PDS5A: variants seen among roughly 807,000 people sequenced by gnomAD.
PDS5A encodes sister chromatid cohesion protein PDS5 homolog A.
A neutral mutation model predicts 167.1 loss-of-function variants in PDS5A; 42 were observed. The observed-to-expected ratio is 0.25, with a 90% confidence interval of 0.20 to 0.33. The LOEUF is 0.33. Among genes scored for constraint, PDS5A ranks in the 10% least tolerant of loss-of-function variants. The pLI, the probability that PDS5A is intolerant of heterozygous loss-of-function variation, is 1.00. For synonymous variants in PDS5A, 553 were observed against 554.6 expected (o/e 1.00, Z 0.04); for missense variants, 1,033 against 1,605.9 (o/e 0.64, Z 6.10).
intron 32 of PDS5A, among the ~76,000 whole-genome samples, chr4:39,829,649 C>CA (rs150136201): frequency 0.066 from 7,070 of 107,554 alleles, 230 homozygotes; most frequent in East Asian, 0.25. Flanking sequence ...TTCATCTCCA[C>CA]AAAAAAAAAA....
chr4:39,947,718 G>A (rs1470702809), intron 2 of PDS5A, among the ~76,000 whole-genome samples: 1 of 152,130 alleles, frequency 6.6e-6, no homozygotes, highest in East Asian at 1.9e-4. Context: ...GTGACCCACG[G>A]GCTGTGAGTT....
intron 2 of PDS5A, among the ~76,000 whole-genome samples, chr4:39,948,071 G>A (rs1028619073): frequency 5.9e-5 from 9 of 151,946 alleles, no homozygotes; most frequent in Admixed American, 2.0e-4. Flanking sequence ...GGCAACAACT[G>A]CAAGACCCCA....
intron 11 of PDS5A, among the ~76,000 whole-genome samples, chr4:39,905,555 C>T (rs1723261973): frequency 6.6e-6 from 1 of 151,832 alleles, no homozygotes; most frequent in Admixed American, 6.6e-5. Context: ...GAGACTCTGT[C>T]TCAACAAAAA....
intron 32 of PDS5A, among the ~76,000 whole-genome samples, chr4:39,825,801 A>G (rs1715249266): frequency 6.6e-6 from 1 of 151,990 alleles, no homozygotes; most frequent in Non-Finnish European, 1.5e-5. Context: ...GGATCTCATT[A>G]TGTTGCCCAG....
intron 14 of PDS5A, 126 bp downstream of exon 14, chr4:39,900,300 A>G (rs2109649697): frequency 1.6e-6 from 1 of 622,732 alleles, no homozygotes; most frequent in Non-Finnish European, 2.8e-6. Flanking sequence ...TACAGAAATT[A>G]TATTTAACTG....
At chr4:39,850,557 C>A (rs1055413560) in intron 26 of PDS5A, among the ~76,000 whole-genome samples, 1 of 152,178 alleles carries the variant, frequency 6.6e-6, no homozygotes. Context: ...CAAATCAACA[C>A]ACAGCAGTCT....
intron 2 of PDS5A, among the ~76,000 whole-genome samples, chr4:39,944,217 T>C (rs1727525443): frequency 6.6e-6 from 1 of 150,768 alleles, no homozygotes; most frequent in African/African-American, 2.4e-5. Flanking sequence ...TTAATCATTA[T>C]GGAAGGTTTC....
At chr4:39,865,251 T>C (rs916847043) in intron 23 of PDS5A, among the ~76,000 whole-genome samples, 1 of 152,198 alleles carries the variant, frequency 6.6e-6, no homozygotes, top group Non-Finnish European at 1.5e-5. Flanking sequence ...TCATCTCCAC[T>C]GGGGGTCCTG....
chr4:39,971,773 G>A (rs1420216459), intron 2 of PDS5A, among the ~76,000 whole-genome samples: 1 of 151,988 alleles, frequency 6.6e-6, no homozygotes, highest in Non-Finnish European at 1.5e-5. Flanking sequence ...AGCTCTCTTT[G>A]TGTTTGTACA....
chr4:39,895,083 C>A (rs966298368), intron 16 of PDS5A, among the ~76,000 whole-genome samples: 3 of 150,650 alleles, frequency 2.0e-5, no homozygotes, highest in African/African-American at 7.3e-5. Flanking sequence ...AAAAATTAGC[C>A]GGGCGAGGTG....
chr4:39,942,018 T>C (rs908836424), intron 2 of PDS5A, among the ~76,000 whole-genome samples: 2 of 152,206 alleles, frequency 1.3e-5, no homozygotes, highest in African/African-American at 2.4e-5. Flanking sequence ...TAGGCCCTTA[T>C]TGCATCATAC....
At chr4:39,944,978 C>A (rs181678309) in intron 2 of PDS5A, among the ~76,000 whole-genome samples, 156 of 152,172 alleles carry the variant, frequency 1.0e-3, no homozygotes, top group African/African-American at 3.6e-3. Flanking sequence ...TTTATAGGAA[C>A]CACTTGCAAT....
intron 9 of PDS5A, among the ~76,000 whole-genome samples, chr4:39,910,701 GT>G (rs1471311866): frequency 6.6e-6 from 1 of 152,150 alleles, no homozygotes; most frequent in East Asian, 1.9e-4. Flanking sequence ...TGAAGAATAA[GT>G]TTATAGGAGA....
chr4:39,932,094 C>G (rs909220885), intron 2 of PDS5A, among the ~76,000 whole-genome samples: 1 of 152,054 alleles, frequency 6.6e-6, no homozygotes, highest in Non-Finnish European at 1.5e-5. Flanking sequence ...GATTTCACCA[C>G]GTTGGCTGGG....
At chr4:39,834,867 T>G (rs956276541) in intron 32 of PDS5A, among the ~76,000 whole-genome samples, 1 of 152,184 alleles carries the variant, frequency 6.6e-6, no homozygotes, top group Non-Finnish European at 1.5e-5. Context: ...CATTAAACAC[T>G]AAAGCCTATT....
rs1430949728 is a variant in PDS5A at position 39,823,049 on chromosome 4, C to T, written c.*2436G>A. 6.6e-6 allele frequency: 1 copy of T among 152,572 alleles called. No homozygotes were observed. Among genetic ancestry groups the T allele is most frequent in the Non-Finnish European group, 1.5e-5 (1 of 68,028 alleles). 9.5% of individuals were successfully genotyped at this position (152,572 alleles called of 1,614,324 possible). The stretch of plus-strand genomic sequence containing the variant: ...ACTTTACATTATACACACTTTTTAT[C>T]AAAGGAGATACAAAATTCTGGCTTG... On this transcript the variant is annotated 3_prime_UTR_variant, in exon 33 of 33. Coordinates refer to ENST00000303538, the MANE Select transcript of PDS5A (RefSeq NM_001100399.2).
At chr4:39,850,228 C>T (rs1402326169) in intron 26 of PDS5A, among the ~76,000 whole-genome samples, 1 of 150,030 alleles carries the variant, frequency 6.7e-6, no homozygotes, top group Non-Finnish European at 1.5e-5. Context: ...GCTGAGACTG[C>T]ACCACTGCAC....
In PDS5A at chr4:39,823,924, C is replaced by T. The variant is rs1715055632; in HGVS notation, c.*1561G>A. On this transcript the variant is annotated 3_prime_UTR_variant, in exon 33 of 33. Transcript: ENST00000303538. ...TCAAACTTCACTCTAACAGAATCATCCACCTTTGATACACTTGTTTGTTTT... is the reference window on the plus strand; with the variant it reads ...TCAAACTTCACTCTAACAGAATCATTCACCTTTGATACACTTGTTTGTTTT... The T allele has an allele frequency of 1.3e-5, 2 of 152,310 alleles. No individual in the cohort carries two copies. The allele number at this position is 152,310 out of a possible 1,614,324, so 9.4% of individuals were successfully genotyped here.
intron 10 of PDS5A, among the ~76,000 whole-genome samples, chr4:39,909,699 G>A (rs1439359928): frequency 6.6e-6 from 1 of 151,908 alleles, no homozygotes; most frequent in African/African-American, 2.4e-5. Flanking sequence ...GTTCTTTTTG[G>A]TAAATAACAG....
Sources: allele counts gnomAD v4.1 joint callset (sites outside exome capture counted in the v4.1 genomes callset), GRCh38; gene constraint gnomAD v4.1.1; transcripts MANE v1.5; gene names NCBI Gene and HGNC (gene_info 2026-07-23, HGNC 2026-07-21).